Variants in DLC1 observed in about 807,000 individuals in gnomAD.
DLC1 encodes DLC1 Rho GTPase activating protein, also known as rho GTPase-activating protein 7.
A neutral mutation model predicts 140.3 loss-of-function variants in DLC1; 54 were observed. The observed-to-expected ratio is 0.38, with a 90% CI of 0.31 to 0.48. DLC1 has a LOEUF of 0.48. DLC1 is among the 20% of genes least tolerant of loss of function. The pLI, the probability that DLC1 is intolerant of heterozygous loss-of-function variation, is 0.96. For synonymous variants in DLC1, 986 were observed against 728.1 expected, an observed-to-expected ratio of 1.35 and a Z score of -5.70; for missense variants, 2,536 against 1,907.0, an observed-to-expected ratio of 1.33 and a Z score of -6.14.
rs138581463 is a variant in DLC1 at position 13,384,629 on chromosome 8, A to G, written c.1314+8924T>C. ...AAAATGTAAAAAATAATGTCCAATG[A>G]TCTACCTAAAACCCTGTGTTCTAAA... On this transcript the variant is annotated intron_variant, in intron 4 of 17. Transcript: ENST00000276297. 1.4e-3 allele frequency among the ~76,000 whole-genome samples: 208 copies of G among 151,022 alleles called. 2 individuals are homozygous for G. In the East Asian group the frequency reaches 0.021, roughly 15 times the overall value.
intron 5 of DLC1, among the ~76,000 whole-genome samples, chr8:13,285,730 A>G (rs1831515712): frequency 6.6e-6 from 1 of 152,142 alleles, no homozygotes; most frequent in Admixed American, 6.5e-5. Flanking sequence ...GCCATTTGGA[A>G]ACAGTTTGGA....
chr8:13,173,133 T>C (rs557915918), intron 5 of DLC1, among the ~76,000 whole-genome samples: 3 of 152,154 alleles, frequency 2.0e-5, no homozygotes, highest in African/African-American at 4.8e-5. Context: ...TTATCTTGAA[T>C]AGCTTGAAGT....
chr8:13,380,980 A>G (rs1371799208), intron 4 of DLC1, among the ~76,000 whole-genome samples: 2 of 152,168 alleles, frequency 1.3e-5, no homozygotes, highest in Admixed American at 1.3e-4. Context: ...AAGGGTTAAT[A>G]TGATGCCTGC....
In DLC1 at chr8:13,305,278, C is replaced by T; in HGVS notation, c.1339G>A (p.Glu447Lys). 1.9e-6 allele frequency: 3 copies of T among 1,607,550 alleles called. No individual in the cohort carries two copies. Among genetic ancestry groups the T allele is most frequent in the East Asian group, 2.2e-5 (1 of 44,656 alleles). ...CAAAATGTCAACTTACCAGCCTTTT[C>T]CTTCTCTGAAATACCTTGAATAGCC... ...TTAIQGISEK[E>K]KAEIEAKEAC... Residue 447 changes from glutamate (E) to lysine (K), a missense_variant, in exon 5 of 18, where the codon GAA becomes AAA. Glu to Lys is a moderately conservative substitution (Grantham distance 56). Transcript: ENST00000276297.
Position 13,238,909 on chromosome 8 carries a change from C to T in DLC1, c.1348+66360G>A, listed in dbSNP as rs548685943. ...GCATTTGCTGAGCCTACTGTGTGCA[C>T]TGACTCTGCCAGATGGTGTGGGGGG... On this transcript the variant is annotated intron_variant, in intron 5 of 17. Transcript: ENST00000276297. Among the ~76,000 whole-genome samples the T allele has an allele frequency of 3.9e-5, 6 of 152,300 alleles. No individual in the cohort carries two copies. In the East Asian group the frequency reaches 9.7e-4, roughly 25 times the overall value.
intron 1 of DLC1, among the ~76,000 whole-genome samples, chr8:13,573,504 G>A (rs1490014795): frequency 6.6e-6 from 1 of 152,274 alleles, no homozygotes; most frequent in African/African-American, 2.4e-5. Flanking sequence ...AATAGAAGGT[G>A]TGAAAGTGGA....
At chr8:13,385,568 T>C (rs1186568078) in intron 4 of DLC1, among the ~76,000 whole-genome samples, 1 of 152,230 alleles carries the variant, frequency 6.6e-6, no homozygotes, top group Non-Finnish European at 1.5e-5. Context: ...CTTAGGACTT[T>C]ATGAGGATAC....
intron 5 of DLC1, among the ~76,000 whole-genome samples, chr8:13,144,707 G>A (rs1276888201): frequency 6.6e-6 from 1 of 152,220 alleles, no homozygotes; most frequent in Non-Finnish European, 1.5e-5. Flanking sequence ...AGAGCTTGCA[G>A]TGAGCCGAGA....
intron 1 of DLC1, among the ~76,000 whole-genome samples, chr8:13,591,161 T>G (rs925611900): frequency 6.6e-6 from 1 of 152,086 alleles, no homozygotes; most frequent in Non-Finnish European, 1.5e-5. Context: ...AGGGAGATAT[T>G]AAAAATAGAA....
intron 4 of DLC1, among the ~76,000 whole-genome samples, chr8:13,392,644 G>T (rs1324670965): frequency 3.3e-5 from 5 of 152,022 alleles, no homozygotes; most frequent in Admixed American, 2.0e-4. Context: ...TGGAACTACT[G>T]GGATTTTAGA....
At chr8:13,263,173 T>A (rs1026044119) in intron 5 of DLC1, among the ~76,000 whole-genome samples, 3 of 152,214 alleles carry the variant, frequency 2.0e-5, no homozygotes, top group African/African-American at 7.2e-5. Flanking sequence ...TTCAAGGGAA[T>A]CTTTGGTCTC....
chr8:13,267,319 CT>C (rs35952220), intron 5 of DLC1, among the ~76,000 whole-genome samples: 93 of 145,256 alleles, frequency 6.4e-4, no homozygotes, highest in Middle Eastern at 7.2e-3. Context: ...TCTAGTTTAG[CT>C]TTTTTTTTTT....
At chr8:13,397,390 C>A (rs1377798492) in intron 3 of DLC1, among the ~76,000 whole-genome samples, 1 of 152,092 alleles carries the variant, frequency 6.6e-6, no homozygotes, top group Non-Finnish European at 1.5e-5. Flanking sequence ...GGAGAGCAGC[C>A]AGAAGCCAGG....
In DLC1 at chr8:13,307,875, A is replaced by G. The variant is rs188441270; in HGVS notation, c.1315-2573T>C. ...ATACAGGCATGCTGGCCTGTGAGCC[A>G]CACTAAACAGACTTATTTTGAAATG... On this transcript the variant is annotated intron_variant, in intron 4 of 17. Coordinates refer to ENST00000276297, the MANE Select transcript of DLC1 (RefSeq NM_182643.3). Among the ~76,000 whole-genome samples the G allele has an allele frequency of 7.2e-3, 1,091 of 152,360 alleles. 17 individuals are homozygous for G. The highest frequency in any genetic ancestry group is 9.2e-3 in the Non-Finnish European group (626 of 68,038).
chr8:13,567,438 G>C (rs1293233302), intron 1 of DLC1: 49 of 1,551,912 alleles, frequency 3.2e-5, no homozygotes, highest in Non-Finnish European at 4.0e-5. Context: ...GACATAAAAA[G>C]CTGCATCTTG....
intron 2 of DLC1, among the ~76,000 whole-genome samples, chr8:13,432,380 C>A (rs1032428810): frequency 6.6e-6 from 1 of 152,162 alleles, no homozygotes; most frequent in African/African-American, 2.4e-5. Context: ...AGTGATAAAA[C>A]AATATATCAT....
At chr8:13,594,482 C>T (rs910353028) in intron 1 of DLC1, among the ~76,000 whole-genome samples, 1 of 152,108 alleles carries the variant, frequency 6.6e-6, no homozygotes, top group Non-Finnish European at 1.5e-5. Flanking sequence ...GCTTTCGTCT[C>T]TTTTCCTTCC....
At chr8:13,165,121 G>C (rs1424440570) in intron 5 of DLC1, among the ~76,000 whole-genome samples, 1 of 152,156 alleles carries the variant, frequency 6.6e-6, no homozygotes, top group Non-Finnish European at 1.5e-5. Context: ...TTTAATTTCA[G>C]ATAAATAGCA....
chr8:13,198,182 T>A (rs1827175991), intron 5 of DLC1, among the ~76,000 whole-genome samples: 1 of 152,184 alleles, frequency 6.6e-6, no homozygotes, highest in East Asian at 1.9e-4. Flanking sequence ...AAAGTGACGA[T>A]CACAAGTGTG....
Sources: allele counts gnomAD v4.1 joint callset (sites outside exome capture counted in the v4.1 genomes callset), GRCh38; gene constraint gnomAD v4.1.1; transcripts MANE v1.5; gene names NCBI Gene and HGNC (gene_info 2026-07-23, HGNC 2026-07-21).